The following LRP2 variants were observed in gnomAD, a reference collection of about 807,000 sequenced individuals.
LRP2 encodes LDL receptor related protein 2, also known as low-density lipoprotein receptor-related protein 2.
LRP2 carries 172 observed loss-of-function variants against 531.0 expected under a neutral mutation model. That is an observed-to-expected ratio of 0.32 (90% CI 0.29 to 0.37). The LOEUF (loss-of-function observed/expected upper bound fraction) is 0.37, where lower values mean the gene tolerates loss of function less well. Among genes scored for constraint, LRP2 ranks in the 10% least tolerant of loss-of-function variants. The probability of loss-of-function intolerance (pLI) is 1.00; values close to 1 mark genes in which losing one functional copy is unlikely to be tolerated. For missense variants in LRP2, 5,167 were observed against 5,868.3 expected (o/e 0.88, Z 3.90); for synonymous variants, 1,992 against 2,027.6 (o/e 0.98, Z 0.47).
intron 46 of LRP2, among the ~76,000 whole-genome samples, chr2:169,195,001 G>T (rs1013643780): frequency 6.6e-6 from 1 of 152,150 alleles, no homozygotes; most frequent in Non-Finnish European, 1.5e-5. Flanking sequence ...GAGCCACCGC[G>T]CCTGGCCTGA....
In LRP2 at chr2:169,320,729, C is replaced by T. The variant is rs368418806; in HGVS notation, c.187+48G>A. 3.9e-5 allele frequency: 56 copies of T among 1,428,852 alleles called. No homozygotes were observed. The African/African-American group carries it at 6.6e-4, about 17-fold the overall frequency. The allele number at this position is 1,428,852 out of a possible 1,614,324, so 88.5% of individuals were successfully genotyped here. On this transcript the variant is annotated intron_variant, in intron 2 of 78. Transcript: ENST00000649046. ...TGTTACAGCTGAAATCACCAGGAAG[C>T]ACTTAGGTTACTCAAAATAGAACTT...
At chr2:169,257,353 T>C in intron 17 of LRP2, 104 bp from the exon 18 acceptor site, 1 of 1,223,206 alleles carries the variant, frequency 8.2e-7, no homozygotes, top group African/African-American at 1.5e-5. Flanking sequence ...GCAATTAATT[T>C]TGTTTTCTTT....
intron 56 of LRP2, 126 bp from the exon 57 acceptor site, chr2:169,173,350 A>G (rs1222336948): frequency 1.8e-6 from 2 of 1,133,778 alleles, no homozygotes; most frequent in Admixed American, 1.9e-5. Flanking sequence ...GCCTCTGGCG[A>G]TATGTGTCTG....
At chr2:169,178,727 T>C (rs1047005756) in intron 52 of LRP2, among the ~76,000 whole-genome samples, 3 of 152,244 alleles carry the variant, frequency 2.0e-5, no homozygotes, top group African/African-American at 7.2e-5. Context: ...CTTTCATTAC[T>C]GTGGGTCTAT....
intron 22 of LRP2, 103 bp from the exon 23 acceptor site, chr2:169,243,625 T>C: frequency 7.3e-7 from 1 of 1,377,266 alleles, no homozygotes; most frequent in African/African-American, 1.4e-5. Flanking sequence ...ATCTCAATTG[T>C]ACATGGGTTC....
intron 3 of LRP2, among the ~76,000 whole-genome samples, chr2:169,309,593 T>C (rs1180549687): frequency 6.6e-6 from 1 of 152,216 alleles, no homozygotes; most frequent in African/African-American, 2.4e-5. Flanking sequence ...ATCTGTGTTT[T>C]GGTACCAGTA....
chr2:169,143,278 A>T (rs565810537), intron 70 of LRP2, among the ~76,000 whole-genome samples: 1 of 152,302 alleles, frequency 6.6e-6, no homozygotes, highest in Admixed American at 6.5e-5. Context: ...TCTGGGTTTC[A>T]GTTACCTTAA....
At chr2:169,187,177 A>G (rs1437127015) in intron 49 of LRP2, among the ~76,000 whole-genome samples, 2 of 152,062 alleles carry the variant, frequency 1.3e-5, no homozygotes, top group African/African-American at 4.8e-5. Flanking sequence ...AGATTTTTTA[A>G]TATTATGCAT....
At position 169,206,615 on chromosome 2, in the gene LRP2, C is replaced by A; in HGVS notation, c.7105G>T (p.Asp2369Tyr). 1 of 1,614,076 alleles carries A rather than the reference C, an allele frequency of 6.2e-7. No homozygotes were observed. The highest frequency in any genetic ancestry group is 1.1e-5 in the South Asian group (1 of 91,052). ...CTTTGCAGGGTCCCAAAGGCACAGTCACATTTTGGGGTGTGCAATCCAGGC... is the reference window on the plus strand; with the variant it reads ...CTTTGCAGGGTCCCAAAGGCACAGTAACATTTTGGGGTGTGCAATCCAGGC... ...ALPGLHTPKC[D>Y]CAFGTLQSDG... The change falls in exon 39 of 79, where the codon GAC (aspartate) becomes TAC (tyrosine). Residue 2369 changes from aspartate (D) to tyrosine (Y), a missense_variant. Coordinates refer to ENST00000649046, the MANE Select transcript of LRP2 (RefSeq NM_004525.3).
intron 52 of LRP2, among the ~76,000 whole-genome samples, chr2:169,179,071 A>T (rs114927249): frequency 0.02 from 3,042 of 151,866 alleles, 39 homozygotes; most frequent in Non-Finnish European, 0.03. Flanking sequence ...GTACAGTTGC[A>T]CAATGTTGGC....
intron 63 of LRP2, among the ~76,000 whole-genome samples, chr2:169,158,815 TTTACTTTTGATTG>T (rs1314906628): frequency 7.7e-4 from 117 of 151,782 alleles, no homozygotes; most frequent in Non-Finnish European, 1.4e-3. Context: ...TCAAATGATT[TTTACTTTTGATTG>T]TTATTGAACT....
intron 4 of LRP2, among the ~76,000 whole-genome samples, chr2:169,304,499 C>A (rs1404044819): frequency 6.6e-6 from 1 of 152,114 alleles, no homozygotes; most frequent in Non-Finnish European, 1.5e-5. Flanking sequence ...TAAAATGCTA[C>A]AAAATATAAC....
intron 63 of LRP2, among the ~76,000 whole-genome samples, chr2:169,160,084 T>C (rs1401484839): frequency 6.6e-6 from 1 of 152,206 alleles, no homozygotes; most frequent in Non-Finnish European, 1.5e-5. Flanking sequence ...AGAAATACCC[T>C]ACTTTCCATT....
At chr2:169,280,200 G>A (rs1683664018) in intron 11 of LRP2, 150 bp downstream of exon 11, 1 of 781,552 alleles carries the variant, frequency 1.3e-6, no homozygotes, top group Non-Finnish European at 2.1e-6. Flanking sequence ...TAATAGTATA[G>A]CATGGAAAAG....
chr2:169,163,773 G>T (rs2105372564), intron 62 of LRP2, among the ~76,000 whole-genome samples: 2 of 152,298 alleles, frequency 1.3e-5, no homozygotes, highest in South Asian at 4.1e-4. Flanking sequence ...AAGAAGTGGG[G>T]TGAGAAAGCT....
chr2:169,299,095 GA>G (rs1269081692), intron 4 of LRP2, among the ~76,000 whole-genome samples: 4 of 4,690 alleles, frequency 8.5e-4, no homozygotes, highest in African/African-American at 2.7e-3. Flanking sequence ...AGGAAAGAAA[GA>G]AAGAAAGAAA....
intron 16 of LRP2, among the ~76,000 whole-genome samples, chr2:169,268,424 T>C (rs1222006242): frequency 6.6e-6 from 1 of 152,220 alleles, no homozygotes; most frequent in East Asian, 1.9e-4. Context: ...CAAGTGGGCT[T>C]CATCCCTGTG....
At chr2:169,303,615 G>A (rs1235183666) in intron 4 of LRP2, among the ~76,000 whole-genome samples, 1 of 151,904 alleles carries the variant, frequency 6.6e-6, no homozygotes, top group African/African-American at 2.4e-5. Flanking sequence ...ATATCTGACT[G>A]TGACCAGATC....
intron 35 of LRP2, among the ~76,000 whole-genome samples, chr2:169,214,858 A>T (rs975049505): frequency 6.6e-6 from 1 of 152,144 alleles, no homozygotes; most frequent in Admixed American, 6.5e-5. Flanking sequence ...GGCCAGAGAG[A>T]GGTTGCTCAG....
Sources: allele counts gnomAD v4.1 joint callset (sites outside exome capture counted in the v4.1 genomes callset), GRCh38; gene constraint gnomAD v4.1.1; transcripts MANE v1.5; gene names NCBI Gene and HGNC (gene_info 2026-07-23, HGNC 2026-07-21).